SPEN: variants seen among roughly 807,000 people sequenced by gnomAD.
SPEN encodes the protein msx2-interacting protein.
A neutral mutation model predicts 269.9 loss-of-function variants in SPEN; 18 were observed. The ratio of observed to expected loss-of-function variants is 0.07; its 90% confidence interval spans 0.05 to 0.10. The LOEUF (loss-of-function observed/expected upper bound fraction) is 0.10, where lower values mean the gene tolerates loss of function less well. Ranked by LOEUF, SPEN falls within the 10% of genes least tolerant of loss-of-function variation. The pLI, the probability that SPEN is intolerant of heterozygous loss-of-function variation, is 1.00. For synonymous variants in SPEN, 1,726 were observed against 1,765.7 expected, an observed-to-expected ratio of 0.98 and a Z score of 0.56; for missense variants, 3,822 against 4,631.2, an observed-to-expected ratio of 0.83 and a Z score of 5.07.
At position 15,926,090 on chromosome 1, in the gene SPEN, A is replaced by G. The variant is rs544910908; in HGVS notation, c.1851-2001A>G. Among the ~76,000 whole-genome samples the G allele has an allele frequency of 1.8e-4, 27 of 152,320 alleles. No individual in the cohort carries two copies. In the East Asian group the frequency reaches 4.6e-3, roughly 26 times the overall value. On this transcript the variant is annotated intron_variant, in intron 10 of 14. Coordinates refer to ENST00000375759, the MANE Select transcript of SPEN (RefSeq NM_015001.3). ...TAAAATATTTTCTTTGAACTGAGGA[A>G]GTTCAATATAAGTACATATAATAGG... is the stretch of plus-strand genomic sequence containing the variant.
intron 13 of SPEN, 190 bp from the exon 14 acceptor site, chr1:15,938,528 T>C (rs1047264008): frequency 2.6e-5 from 14 of 544,228 alleles, no homozygotes; most frequent in African/African-American, 2.0e-4. Context: ...TTAAAAATTA[T>C]TATTTTTTAA....
chr1:15,933,664 T>A lies in SPEN; in HGVS notation c.7424T>A (p.Val2475Glu). 1 of 1,614,038 alleles carries A rather than the reference T, an allele frequency of 6.2e-7. No individual in the cohort carries two copies. Among genetic ancestry groups the A allele is most frequent in the Middle Eastern group, 1.6e-4 (1 of 6,062 alleles). Residue 2475 changes from valine to glutamate, a missense_variant, in exon 11 of 15, where the codon GTA becomes GAA. Physicochemically the swap from Val to Glu is moderately radical, Grantham distance 121 (BLOSUM62 -2). This residue lies in a region of SPEN where 727 missense variants were observed against 737.9 expected (regional missense o/e 0.99). Coordinates refer to ENST00000375759, the MANE Select transcript of SPEN (RefSeq NM_015001.3). This position sits in a 1 kb window ranked among gnomAD's most constrained non-coding sequence, Gnocchi z 5.7. The stretch of plus-strand genomic sequence containing the variant: ...ATCCCCATACCCACACTGCCTTCTG[T>A]AACTGCAGCAAAGCTCTCACCTCCT... ...PSIPIPTLPSVTAAKLSPPVA... is the reference protein window; with the variant it reads ...PSIPIPTLPSETAAKLSPPVA...
intron 10 of SPEN, among the ~76,000 whole-genome samples, chr1:15,925,336 T>C (rs1043367407): frequency 6.6e-6 from 1 of 152,194 alleles, no homozygotes. Flanking sequence ...CTCTGTGGTT[T>C]TGTGAACAGA....
chr1:15,875,923 G>A (rs193181498), intron 2 of SPEN, among the ~76,000 whole-genome samples: 1 of 152,290 alleles, frequency 6.6e-6, no homozygotes, highest in East Asian at 1.9e-4. Context: ...ATGTATGCAA[G>A]TCAGAAAATC....
chr1:15,869,346 G>A (rs1203178008), intron 1 of SPEN, among the ~76,000 whole-genome samples: 3 of 151,826 alleles, frequency 2.0e-5, no homozygotes, highest in Non-Finnish European at 2.9e-5. Context: ...GTGAGCCACC[G>A]TGCCCGGCCC....
In SPEN at chr1:15,934,652, G is replaced by C. The variant is rs140791693; in HGVS notation, c.8412G>C (p.Ala2804=). 10 of 1,614,028 alleles carry C rather than the reference G, an allele frequency of 6.2e-6. No individual in the cohort carries two copies. Among genetic ancestry groups the C allele is most frequent in the Non-Finnish European group, 8.5e-6 (10 of 1,179,912 alleles). ...DDRPADAGSG[A]GLRVNTSEGV... is the part of the protein sequence containing the mutation. ...GTCCGGCAGACGCGGGCTCAGGGGC[G>C]GGGCTGCGTGTGAACACTTCTGAAG... The change falls in exon 11 of 15, where the codon GCG becomes GCC. Residue 2804 remains alanine, a synonymous_variant. Transcript: ENST00000375759. This position sits in a 1 kb window ranked among gnomAD's most constrained non-coding sequence, Gnocchi z 9.2.
Position 15,919,028 on chromosome 1 carries a change from T to C in SPEN, c.1498T>C (p.Tyr500His). 4 of 1,612,246 alleles carry C rather than the reference T, an allele frequency of 2.5e-6. No homozygotes were observed. Among genetic ancestry groups the C allele is most frequent in the Non-Finnish European group, 3.4e-6 (4 of 1,179,220 alleles). ...CKAIKKMDGE[Y>H]LGNNRLKLGF... ...AGCTATTAAGAAGATGGATGGGGAA[T>C]ATCTTGGAAATAATCGCCTCAAGGT... The change falls in exon 7 of 15, where the codon TAT becomes CAT. Residue 500 changes from tyrosine to histidine, a missense_variant. Physicochemically the swap from Tyr to His is moderately conservative, Grantham distance 83 (BLOSUM62 2). This residue lies in a region of SPEN where 230 missense variants were observed against 426.1 expected (regional missense o/e 0.54). Coordinates refer to ENST00000375759, the MANE Select transcript of SPEN (RefSeq NM_015001.3).
intron 1 of SPEN, among the ~76,000 whole-genome samples, chr1:15,866,971 G>C (rs990872065): frequency 6.6e-6 from 1 of 152,096 alleles, no homozygotes; most frequent in Non-Finnish European, 1.5e-5. Context: ...ATTTTTGAAA[G>C]ATAACAGTTT....
intron 1 of SPEN, among the ~76,000 whole-genome samples, chr1:15,868,267 A>G (rs1557737205): frequency 6.6e-6 from 1 of 151,752 alleles, no homozygotes; most frequent in Non-Finnish European, 1.5e-5. Context: ...CTGGCCTCCC[A>G]AAGCTTTGGG....
rs1219354814 is a variant in SPEN, at chr1:15,931,963, A to G, written c.5723A>G (p.Tyr1908Cys). Residue 1908 changes from tyrosine (Y) to cysteine (C), a missense_variant, in exon 11 of 15, where the codon TAT (tyrosine) becomes TGT (cysteine). Around this residue, in one of 16 missense-constraint regions of SPEN, gnomAD observed 533 missense variants for 618.8 expected, o/e 0.86. Transcript: ENST00000375759. The surrounding 1 kb of genome is among the most constrained non-coding windows in gnomAD (Gnocchi z 4.8). ...AGGCGCCGGAATGTAAGGAGCGTCT[A>G]TGCAACCATGGGTGACCATGAAAAC... The part of the protein sequence containing the change: ...RTRRRNVRSV[Y>C]ATMGDHENRS... The G allele has an allele frequency of 2.5e-6, 4 of 1,614,128 alleles. No homozygotes were observed. The highest frequency in any genetic ancestry group is 3.4e-6 in the Non-Finnish European group (4 of 1,180,050).
chr1:15,932,317 G>C lies in SPEN; in HGVS notation c.6077G>C (p.Ser2026Thr). ...GGCCCCCAAATAGGCGTGAAAGAGAGCTCCATGGAACCCAAGGCTGCTGAG... is the reference window on the plus strand; with the variant it reads ...GGCCCCCAAATAGGCGTGAAAGAGACCTCCATGGAACCCAAGGCTGCTGAG... Reference protein sequence around the residue: ...EVGPQIGVKESSMEPKAAEEE... With the variant: ...EVGPQIGVKETSMEPKAAEEE... The change falls in exon 11 of 15, where the codon AGC becomes ACC. Residue 2026 changes from serine (S) to threonine (T), a missense_variant. Around this residue, in one of 16 missense-constraint regions of SPEN, gnomAD observed 727 missense variants for 737.9 expected, o/e 0.99. Transcript: ENST00000375759. This position sits in a 1 kb window ranked among gnomAD's most constrained non-coding sequence, Gnocchi z 4.2. 6.2e-7 allele frequency: 1 copy of C among 1,611,188 alleles called. No homozygotes were observed. The highest frequency in any genetic ancestry group is 8.5e-7 in the Non-Finnish European group (1 of 1,179,156).
chr1:15,933,265 G>A lies in SPEN; in HGVS notation c.7025G>A (p.Arg2342Gln), dbSNP rs747967254. The change falls in exon 11 of 15, where the codon CGA (arginine) becomes CAA (glutamine). Residue 2342 changes from arginine to glutamine, a missense_variant. Arg to Gln is a conservative substitution (Grantham distance 43). This residue lies in a region of SPEN where 727 missense variants were observed against 737.9 expected (regional missense o/e 0.99). Coordinates refer to ENST00000375759, the MANE Select transcript of SPEN (RefSeq NM_015001.3). This position sits in a 1 kb window ranked among gnomAD's most constrained non-coding sequence, Gnocchi z 5.7. ...AAAACAACCCGATCACGCCGCAAGC[G>A]AAACACAAACAAGAAAGTGGTGGCT... is the stretch of plus-strand genomic sequence containing the variant. ...RQKTTRSRRK[R>Q]NTNKKVVAPV... 5.6e-6 allele frequency: 9 copies of A among 1,614,144 alleles called. No homozygotes were observed. Among genetic ancestry groups the A allele is most frequent in the Admixed American group, 3.3e-5 (2 of 60,024 alleles).
chr1:15,893,825 G>A (rs12136351), intron 3 of SPEN, among the ~76,000 whole-genome samples: 36,889 of 152,002 alleles, frequency 0.24, 5,257 homozygotes, highest in South Asian at 0.43. Context: ...ATCACTTGAG[G>A]CCAGGAGTTT....
At chr1:15,869,634 A>G (rs1000185360) in intron 1 of SPEN, among the ~76,000 whole-genome samples, 1 of 149,514 alleles carries the variant, frequency 6.7e-6, no homozygotes, top group Non-Finnish European at 1.5e-5. Flanking sequence ...GTCTTGCTCT[A>G]TTGCCCAGGC....
intron 1 of SPEN, among the ~76,000 whole-genome samples, chr1:15,849,157 G>C (rs560138207): frequency 6.6e-6 from 1 of 152,160 alleles, no homozygotes; most frequent in Non-Finnish European, 1.5e-5. Flanking sequence ...GCTTGGACTT[G>C]GTGCAGATTC....
Position 15,918,967 on chromosome 1 carries a change from G to A in SPEN, c.1437G>A (p.Ala479=), listed in dbSNP as rs773568000. 13 of 1,609,106 alleles carry A rather than the reference G, an allele frequency of 8.1e-6. No individual in the cohort carries two copies. Among genetic ancestry groups the A allele is most frequent in the South Asian group, 1.1e-5 (1 of 90,740 alleles). The change falls in exon 7 of 15, where the codon GCG becomes GCA. Residue 479 remains alanine, a synonymous_variant. Transcript: ENST00000375759. ...AAGTAAATGGAGTTCCTCAGTATGC[G>A]TTTCTGCAATACTGTGATATTGCTA... ...IKKVNGVPQY[A]FLQYCDIASV...
In SPEN at chr1:15,933,865, A is replaced by G. The variant is rs774427716; in HGVS notation, c.7625A>G (p.Lys2542Arg). 1.2e-6 allele frequency: 2 copies of G among 1,613,748 alleles called. No homozygotes were observed. The highest frequency in any genetic ancestry group is 1.7e-6 in the Non-Finnish European group (2 of 1,180,030). Residue 2542 changes from lysine (K) to arginine (R), a missense_variant, in exon 11 of 15, where the codon AAG (lysine) becomes AGG (arginine). Lys to Arg is a conservative substitution (Grantham distance 26). Around this residue, in one of 16 missense-constraint regions of SPEN, gnomAD observed 727 missense variants for 737.9 expected, o/e 0.99. Coordinates refer to ENST00000375759, the MANE Select transcript of SPEN (RefSeq NM_015001.3). This position sits in a 1 kb window ranked among gnomAD's most constrained non-coding sequence, Gnocchi z 5.7. Reference protein sequence around the residue: ...STLRKILMDPKYVSATSVTST... With the variant: ...STLRKILMDPRYVSATSVTST... ...CTGAGGAAGATTCTCATGGACCCCAAGTATGTGTCTGCCACAAGTGTCACT... is the reference window on the plus strand; with the variant it reads ...CTGAGGAAGATTCTCATGGACCCCAGGTATGTGTCTGCCACAAGTGTCACT...
At position 15,931,763 on chromosome 1, in the gene SPEN, A is replaced by G. The variant is rs746534603; in HGVS notation, c.5523A>G (p.Thr1841=). Residue 1841 remains threonine (T), a synonymous_variant, in exon 11 of 15, where the codon ACA becomes ACG. Coordinates refer to ENST00000375759, the MANE Select transcript of SPEN (RefSeq NM_015001.3). The surrounding 1 kb of genome is among the most constrained non-coding windows in gnomAD (Gnocchi z 4.8). ...TGAGTATCGTGGAGAAGCCCGTCAC[A>G]AGGAAGAGTGAGAGGATAGACCGGG... ...AAVSIVEKPV[T]RKSERIDREK... The G allele has an allele frequency of 6.2e-7, 1 of 1,614,136 alleles. No individual in the cohort carries two copies. Among genetic ancestry groups the G allele is most frequent in the South Asian group, 1.1e-5 (1 of 91,084 alleles).
intron 2 of SPEN, chr1:15,874,254 C>T: frequency 7.3e-7 from 1 of 1,365,946 alleles, no homozygotes; most frequent in Non-Finnish European, 9.8e-7. Context: ...TCTTGTGGTT[C>T]ATCTAAATAT....
Sources: gnomAD v4.1 joint callset for allele counts (sites outside exome capture counted in the v4.1 genomes callset) on GRCh38, gnomAD v4.1.1 for gene constraint, gnomAD v4.1.1 regional missense constraint, Gnocchi (gnomAD v3.1) non-coding constraint, MANE v1.5 for transcripts, NCBI Gene and HGNC (gene_info 2026-07-23, HGNC 2026-07-21) for gene names.